Variants in GRIA1 observed in about 807,000 individuals in gnomAD.
GRIA1 encodes glutamate ionotropic receptor AMPA type subunit 1, also known as glutamate receptor 1.
In GRIA1, 31 loss-of-function variants were observed where a neutral mutation model predicts 99.2. The ratio of observed to expected loss-of-function variants is 0.31; its 90% CI spans 0.23 to 0.42. The LOEUF (loss-of-function observed/expected upper bound fraction) is 0.42. Among genes scored for constraint, GRIA1 ranks in the 10% least tolerant of loss-of-function variants. The pLI, the probability that GRIA1 is intolerant of heterozygous loss-of-function variation, is 1.00. For missense variants in GRIA1, 782 were observed against 1,157.5 expected (o/e 0.68, Z 4.71); for synonymous variants, 438 against 432.4 (o/e 1.01, Z -0.16).
chr5:153,769,276 C>CCCA (rs1763722299), intron 12 of GRIA1, among the ~76,000 whole-genome samples: 1 of 152,112 alleles, frequency 6.6e-6, no homozygotes, highest in Non-Finnish European at 1.5e-5. Context: ...TATTCTAGGT[C>CCCA]CCACCTCAGA....
intron 8 of GRIA1, among the ~76,000 whole-genome samples, chr5:153,689,245 G>A (rs1757567727): frequency 6.6e-6 from 1 of 152,088 alleles, no homozygotes; most frequent in Non-Finnish European, 1.5e-5. Context: ...CCTTGACAAT[G>A]AAAACATAGA....
At chr5:153,609,405 G>C (rs935607047) in intron 2 of GRIA1, among the ~76,000 whole-genome samples, 3 of 147,628 alleles carry the variant, frequency 2.0e-5, no homozygotes, top group African/African-American at 7.5e-5. Flanking sequence ...TCCTGATCTT[G>C]AAAAAAATGA....
At chr5:153,801,438 G>A (rs892422020) in intron 14 of GRIA1, among the ~76,000 whole-genome samples, 12 of 151,864 alleles carry the variant, frequency 7.9e-5, no homozygotes, top group Non-Finnish European at 1.2e-4. Flanking sequence ...ATGATCTCAG[G>A]AGACCAGTGG....
intron 11 of GRIA1, among the ~76,000 whole-genome samples, chr5:153,738,602 A>G (rs550421205): frequency 2.0e-5 from 3 of 150,444 alleles, no homozygotes; most frequent in South Asian, 4.2e-4. Flanking sequence ...TAGAAATTCT[A>G]CCTCCTGATT....
chr5:153,614,926 C>A (rs976600656), intron 2 of GRIA1, among the ~76,000 whole-genome samples: 4 of 152,110 alleles, frequency 2.6e-5, no homozygotes, highest in African/African-American at 9.7e-5. Flanking sequence ...ATTGAAGAGG[C>A]CTTAAGATAA....
At chr5:153,520,194 A>C (rs746908584) in intron 2 of GRIA1, among the ~76,000 whole-genome samples, 9 of 151,942 alleles carry the variant, frequency 5.9e-5, no homozygotes, top group Non-Finnish European at 1.2e-4. Context: ...CTTTCACCTC[A>C]CTCTGAATTC....
At chr5:153,563,824 TTC>T (rs1487113572) in intron 2 of GRIA1, among the ~76,000 whole-genome samples, 1 of 152,126 alleles carries the variant, frequency 6.6e-6, no homozygotes, top group Non-Finnish European at 1.5e-5. Flanking sequence ...TCTCAAATTG[TTC>T]TCTTTTCATT....
chr5:153,526,253 C>T (rs532943048), intron 2 of GRIA1, among the ~76,000 whole-genome samples: 1 of 152,288 alleles, frequency 6.6e-6, no homozygotes, highest in African/African-American at 2.4e-5. Context: ...GGGAAAACTT[C>T]TACACAATCC....
intron 11 of GRIA1, among the ~76,000 whole-genome samples, chr5:153,722,078 T>A (rs1760111189): frequency 6.6e-6 from 1 of 152,232 alleles, no homozygotes; most frequent in South Asian, 2.1e-4. Context: ...CAACTAGTAC[T>A]TCTTTCATAT....
intron 2 of GRIA1, among the ~76,000 whole-genome samples, chr5:153,553,536 C>A (rs771650680): frequency 6.6e-6 from 1 of 152,172 alleles, no homozygotes; most frequent in Non-Finnish European, 1.5e-5. Flanking sequence ...TACTTCTCCA[C>A]TGATTCTTCC....
rs1758868186 is a variant in GRIA1, at chr5:153,706,071, A to G, written c.1823+4A>G. ...AAGGATGTGACATTTCTCCCAGGTC[A>G]GTCAGCTCTTCTCAATCCCTTTGCC... On this transcript the variant is annotated splice_donor_region_variant and intron_variant, in intron 11 of 15. Transcript: ENST00000285900. The G allele has an allele frequency of 6.2e-7, 1 of 1,613,578 alleles. No homozygotes were observed. Among genetic ancestry groups the G allele is most frequent in the African/African-American group, 1.3e-5 (1 of 74,874 alleles).
intron 2 of GRIA1, among the ~76,000 whole-genome samples, chr5:153,599,164 G>A (rs536851569): frequency 1.3e-5 from 2 of 152,358 alleles, no homozygotes; most frequent in Admixed American, 6.5e-5. Context: ...TTACAGGCAT[G>A]AGCCACTGTA....
intron 13 of GRIA1, among the ~76,000 whole-genome samples, chr5:153,781,234 CAG>C (rs780710116): frequency 6.6e-6 from 1 of 152,054 alleles, no homozygotes; most frequent in African/African-American, 2.4e-5. Context: ...GAAAATCAGG[CAG>C]GGAAATTTGC....
intron 2 of GRIA1, among the ~76,000 whole-genome samples, chr5:153,568,137 AC>A (rs1428925728): frequency 7.2e-5 from 11 of 152,216 alleles, no homozygotes; most frequent in Admixed American, 7.2e-4. Context: ...TCTATTAAAC[AC>A]GGGTGACGAA....
chr5:153,778,498 A>C (rs545420800), intron 13 of GRIA1, among the ~76,000 whole-genome samples: 2 of 152,040 alleles, frequency 1.3e-5, no homozygotes, highest in Non-Finnish European at 2.9e-5. Flanking sequence ...CCGTGGAGGT[A>C]ATATTGTTTT....
chr5:153,612,681 G>A (rs529638843), intron 2 of GRIA1, among the ~76,000 whole-genome samples: 1 of 152,296 alleles, frequency 6.6e-6, no homozygotes, highest in East Asian at 1.9e-4. Context: ...TTCCTTATCA[G>A]AAAAGAACTT....
chr5:153,681,026 G>T (rs1163636605), intron 7 of GRIA1, among the ~76,000 whole-genome samples: 3 of 152,288 alleles, frequency 2.0e-5, no homozygotes, highest in Non-Finnish European at 2.9e-5. Flanking sequence ...AATGTATAAA[G>T]AAAAAGGTTT....
At chr5:153,704,903 G>A (rs918159938) in intron 10 of GRIA1, among the ~76,000 whole-genome samples, 3 of 152,190 alleles carry the variant, frequency 2.0e-5, no homozygotes, top group Non-Finnish European at 2.9e-5. Flanking sequence ...GTAATTTCCT[G>A]AGGGTGGGGA....
intron 2 of GRIA1, among the ~76,000 whole-genome samples, chr5:153,625,839 G>C (rs1030256402): frequency 1.3e-5 from 2 of 152,162 alleles, no homozygotes; most frequent in Non-Finnish European, 2.9e-5. Context: ...TCAGTCTTTT[G>C]AGATTAAGAC....
Sources: allele counts gnomAD v4.1 joint callset (sites outside exome capture counted in the v4.1 genomes callset), GRCh38; gene constraint gnomAD v4.1.1; transcripts MANE v1.5; gene names NCBI Gene and HGNC (gene_info 2026-07-23, HGNC 2026-07-21).